Variants in MAP2 observed in about 807,000 individuals in gnomAD.
The protein encoded by MAP2 is microtubule associated protein 2.
Under a neutral mutation model 137.6 loss-of-function variants are expected in MAP2, and 14 were observed. The observed-to-expected ratio is 0.10, with a 90% confidence interval of 0.07 to 0.16. The LOEUF (loss-of-function observed/expected upper bound fraction) is 0.16, where lower values mean the gene tolerates loss of function less well. MAP2 is among the 10% of genes least tolerant of loss of function. MAP2 has a pLI of 1.00. For missense variants in MAP2, 2,088 were observed against 2,191.5 expected (o/e 0.95, Z 0.94); for synonymous variants, 786 against 782.3 (o/e 1.00, Z -0.08).
intron 4 of MAP2, among the ~76,000 whole-genome samples, chr2:209,645,250 T>C (rs534161199): frequency 6.6e-6 from 1 of 152,354 alleles, no homozygotes; most frequent in African/African-American, 2.4e-5. Flanking sequence ...TGCTTCTCTT[T>C]TTAAGCCAGC....
rs1210701915 is a variant in MAP2, at chr2:209,594,771, C to T, written c.-107+14671C>T. 2.0e-5 allele frequency among the ~76,000 whole-genome samples: 3 copies of T among 152,162 alleles called. No individual in the cohort carries two copies. The East Asian group carries it at 5.8e-4, about 29-fold the overall frequency. Reference sequence around the variant, plus strand: ...ATTGTTTTACCTCTAGTATTTACTACCTGGTTGGAAAAATTCCTTTCCTCG... The same window carrying T: ...ATTGTTTTACCTCTAGTATTTACTATCTGGTTGGAAAAATTCCTTTCCTCG... On this transcript the variant is annotated intron_variant, in intron 3 of 15. Coordinates refer to ENST00000682079, the MANE Select transcript of MAP2 (RefSeq NM_001375505.1).
At chr2:209,702,854 C>A (rs564907470) in intron 11 of MAP2, among the ~76,000 whole-genome samples, 4 of 152,130 alleles carry the variant, frequency 2.6e-5, no homozygotes, top group African/African-American at 9.6e-5. Flanking sequence ...GTTGTAGCCA[C>A]AGAGGTTAAA....
At chr2:209,488,788 T>C (rs909052137) in intron 1 of MAP2, among the ~76,000 whole-genome samples, 2 of 152,116 alleles carry the variant, frequency 1.3e-5, no homozygotes, top group East Asian at 3.9e-4. Context: ...GCAGCCCCAG[T>C]CAGGGGCTTA....
In MAP2 at chr2:209,601,777, A is replaced by C. The variant is rs182921432; in HGVS notation, c.-107+21677A>C. Among the ~76,000 whole-genome samples the C allele has an allele frequency of 9.0e-4, 137 of 152,304 alleles. 1 individual carries two copies. In the Middle Eastern group the frequency reaches 0.01, roughly 11 times the overall value. On this transcript the variant is annotated intron_variant, in intron 3 of 15. Transcript: ENST00000682079. ...TTTTTCTGTGATATGCGACATACAGATAGGATAAAGGATATTCAGCATTCT... is the reference window on the plus strand; with the variant it reads ...TTTTTCTGTGATATGCGACATACAGCTAGGATAAAGGATATTCAGCATTCT...
chr2:209,625,817 A>G (rs555545886), intron 4 of MAP2, among the ~76,000 whole-genome samples: 7 of 152,298 alleles, frequency 4.6e-5, no homozygotes, highest in African/African-American at 1.7e-4. Context: ...TTTGTTCCTC[A>G]CAAAATTTTT....
chr2:209,433,002 CAGGCT>C (rs1311474628), intron 1 of MAP2, among the ~76,000 whole-genome samples: 2 of 152,128 alleles, frequency 1.3e-5, no homozygotes, highest in African/African-American at 4.8e-5. Context: ...ACTTGAATAT[CAGGCT>C]AGTGTGTCCT....
In MAP2 at chr2:209,705,846, T is replaced by C. The variant is rs576733860; in HGVS notation, c.4732+119T>C. On this transcript the variant is annotated intron_variant, in intron 12 of 15. Coordinates refer to ENST00000682079, the MANE Select transcript of MAP2 (RefSeq NM_001375505.1). Reference sequence around the variant, plus strand: ...AAACATGCATTAAGACTAGATTATATTTGCCATAAGGATCAGAAAATCCAG... The same window carrying C: ...AAACATGCATTAAGACTAGATTATACTTGCCATAAGGATCAGAAAATCCAG... The C allele has an allele frequency of 3.4e-5, 31 of 908,348 alleles. No homozygotes were observed. The African/African-American group carries it at 4.6e-4, about 14-fold the overall frequency. The allele number at this position is 908,348 out of a possible 1,614,324, so 56.3% of individuals were successfully genotyped here.
chr2:209,508,118 G>A (rs1232529639), intron 2 of MAP2, among the ~76,000 whole-genome samples: 1 of 151,970 alleles, frequency 6.6e-6, no homozygotes, highest in Non-Finnish European at 1.5e-5. Context: ...GTGTTAAGAT[G>A]TCATTCCTTT....
At chr2:209,685,567 A>G (rs555513851) in intron 7 of MAP2, among the ~76,000 whole-genome samples, 9 of 152,104 alleles carry the variant, frequency 5.9e-5, no homozygotes, top group Non-Finnish European at 8.8e-5. Context: ...GACAGCTTAC[A>G]GTACCAAGAG....
chr2:209,701,612 T>C (rs1183945008), intron 11 of MAP2, among the ~76,000 whole-genome samples: 4 of 152,050 alleles, frequency 2.6e-5, no homozygotes, highest in African/African-American at 9.7e-5. Flanking sequence ...CTTCCACTTT[T>C]ATTTATTATG....
intron 1 of MAP2, among the ~76,000 whole-genome samples, chr2:209,494,655 G>A (rs982163617): frequency 7.2e-5 from 11 of 152,154 alleles, no homozygotes; most frequent in Non-Finnish European, 1.3e-4. Context: ...ACAACCAACA[G>A]CCCTCAGGGC....
Position 209,710,114 on chromosome 2 carries a change from G to C in MAP2, c.4933G>C (p.Ala1645Pro). 2 of 1,613,892 alleles carry C rather than the reference G, an allele frequency of 1.2e-6. No homozygotes were observed. Among genetic ancestry groups the C allele is most frequent in the Non-Finnish European group, 1.7e-6 (2 of 1,179,996 alleles). ...AILVPSEKKV[A>P]IIRTPPKSPA... ...CTTGGTGCCGAGTGAGAAGAAGGTC[G>C]CCATCATACGTACTCCTCCAAAATC... Residue 1645 changes from alanine to proline, a missense_variant, in exon 13 of 16, where the codon GCC (alanine) becomes CCC (proline). Transcript: ENST00000682079.
chr2:209,573,707 C>G (rs1173949871), intron 2 of MAP2, among the ~76,000 whole-genome samples: 7 of 152,134 alleles, frequency 4.6e-5, no homozygotes, highest in African/African-American at 1.7e-4. Context: ...GAGTTATGCA[C>G]TCATAACCAT....
intron 1 of MAP2, among the ~76,000 whole-genome samples, chr2:209,431,168 T>C (rs1694165546): frequency 6.6e-6 from 1 of 152,172 alleles, no homozygotes; most frequent in Admixed American, 6.5e-5. Flanking sequence ...ATTTAGTCGC[T>C]TCCCAAATGG....
chr2:209,699,874 C>T (rs1173714089), intron 10 of MAP2, among the ~76,000 whole-genome samples: 3 of 152,110 alleles, frequency 2.0e-5, no homozygotes, highest in Non-Finnish European at 4.4e-5. Flanking sequence ...TCTCTATGAA[C>T]CCTCTTCTAT....
intron 1 of MAP2, among the ~76,000 whole-genome samples, chr2:209,442,750 GT>G (rs1463175421): frequency 1.3e-5 from 2 of 151,514 alleles, no homozygotes; most frequent in Non-Finnish European, 3.0e-5. Flanking sequence ...AACTCAACAT[GT>G]TCATAATGAA....
chr2:209,673,833 A>T (rs532599257), intron 5 of MAP2, among the ~76,000 whole-genome samples: 1 of 152,014 alleles, frequency 6.6e-6, no homozygotes, highest in East Asian at 1.9e-4. Flanking sequence ...TATAAAAAGG[A>T]ATAGAAGGTA....
chr2:209,636,375 C>T (rs1046808116), intron 4 of MAP2, among the ~76,000 whole-genome samples: 5 of 152,088 alleles, frequency 3.3e-5, no homozygotes, highest in Non-Finnish European at 5.9e-5. Flanking sequence ...CTAGAAAGTT[C>T]TTCCTACTGG....
chr2:209,729,974 G>C lies in MAP2; in HGVS notation c.5268+12G>C, dbSNP rs889662505. 6.5e-6 allele frequency: 10 copies of C among 1,533,944 alleles called. No individual in the cohort carries two copies. The highest frequency in any genetic ancestry group is 8.9e-6 in the Non-Finnish European group (10 of 1,123,120). On this transcript the variant is annotated intron_variant, in intron 15 of 15. Transcript: ENST00000682079. ...GTGGTAATGTCAAGGTAAGAAACAA[G>C]GTTATGAGCCAATCTTGTCTTTTTA...
Sources: allele counts gnomAD v4.1 joint callset (sites outside exome capture counted in the v4.1 genomes callset), GRCh38; gene constraint gnomAD v4.1.1; transcripts MANE v1.5; gene names NCBI Gene and HGNC (gene_info 2026-07-23, HGNC 2026-07-21).